Variants in CNTNAP2 observed in about 807,000 individuals in gnomAD.
CNTNAP2 encodes contactin associated protein 2, also known as contactin-associated protein-like 2.
CNTNAP2 carries 98 observed loss-of-function variants against 155.2 expected under a neutral mutation model. That is an observed-to-expected ratio of 0.63 (90% CI 0.54 to 0.75). The LOEUF (loss-of-function observed/expected upper bound fraction) is 0.75, where lower values mean the gene tolerates loss of function less well. Ranked by LOEUF, CNTNAP2 falls within the 30% of genes least tolerant of loss-of-function variation. CNTNAP2 has a pLI of 0.00. For missense variants in CNTNAP2, 1,727 were observed against 1,688.1 expected, an observed-to-expected ratio of 1.02 and a Z score of -0.40; for synonymous variants, 651 against 631.2, an observed-to-expected ratio of 1.03 and a Z score of -0.47.
chr7:146,839,656 G>A, intron 2 of CNTNAP2, 55 bp from the exon 3 acceptor site: 1 of 1,578,224 alleles, frequency 6.3e-7, no homozygotes, highest in Non-Finnish European at 8.7e-7. Flanking sequence ...ATTGTCAGTT[G>A]TACAAGTTCA....
chr7:146,139,812 T>C (rs919066783), intron 1 of CNTNAP2, among the ~76,000 whole-genome samples: 1 of 152,190 alleles, frequency 6.6e-6, no homozygotes, highest in African/African-American at 2.4e-5. Flanking sequence ...GTTTTCTCAT[T>C]TGTAAAATAA....
chr7:147,756,989 G>T (rs1376479387), intron 13 of CNTNAP2, among the ~76,000 whole-genome samples: 1 of 152,162 alleles, frequency 6.6e-6, no homozygotes, highest in Non-Finnish European at 1.5e-5. Flanking sequence ...GATAGTTGTA[G>T]CATGAAAACA....
At chr7:146,913,595 T>A (rs1014703880) in intron 3 of CNTNAP2, among the ~76,000 whole-genome samples, 10 of 152,038 alleles carry the variant, frequency 6.6e-5, no homozygotes, top group Non-Finnish European at 1.3e-4. Context: ...TGTTATATCC[T>A]CACATGGCAC....
chr7:146,754,113 T>C (rs896052512), intron 1 of CNTNAP2, among the ~76,000 whole-genome samples: 1 of 152,016 alleles, frequency 6.6e-6, no homozygotes, highest in African/African-American at 2.4e-5. Context: ...TGAAGTTTAA[T>C]GCCTCATATC....
chr7:148,245,940 T>A (rs1046189437), intron 20 of CNTNAP2, among the ~76,000 whole-genome samples: 1 of 152,184 alleles, frequency 6.6e-6, no homozygotes, highest in African/African-American at 2.4e-5. Context: ...CCTCTCCACC[T>A]TCTACTTCTG....
Position 147,881,715 on chromosome 7 carries a change from A to G in CNTNAP2, c.2099-21850A>G, listed in dbSNP as rs182655185. The stretch of plus-strand genomic sequence containing the variant: ...GGCCAGCACCGTGGCTCACGCCTGT[A>G]ATCCCAGCACTTTGGGAGGCCGAGG... On this transcript the variant is annotated intron_variant, in intron 13 of 23. Transcript: ENST00000361727. Among the ~76,000 whole-genome samples, 561 of 152,362 alleles carry G rather than the reference A, an allele frequency of 3.7e-3. 26 individuals are homozygous for G. The highest frequency in any genetic ancestry group is 0.031 in the Admixed American group (476 of 15,302).
intron 8 of CNTNAP2, among the ~76,000 whole-genome samples, chr7:147,243,898 A>G (rs1803996901): frequency 6.6e-6 from 1 of 152,166 alleles, no homozygotes; most frequent in African/African-American, 2.4e-5. Flanking sequence ...CTAAAATTGT[A>G]ATTTATAATT....
At chr7:148,263,718 C>T (rs1343663333) in intron 20 of CNTNAP2, among the ~76,000 whole-genome samples, 1 of 140,912 alleles carries the variant, frequency 7.1e-6, no homozygotes, top group African/African-American at 2.7e-5. Flanking sequence ...GCCTGGGCGA[C>T]AGAGCGAGAC....
chr7:147,491,709 T>C (rs1178624306), intron 11 of CNTNAP2, among the ~76,000 whole-genome samples: 1 of 152,138 alleles, frequency 6.6e-6, no homozygotes, highest in Non-Finnish European at 1.5e-5. Flanking sequence ...TAAATTTTAT[T>C]CAATGCCCTC....
chr7:147,759,173 A>C (rs1289993390), intron 13 of CNTNAP2, among the ~76,000 whole-genome samples: 1 of 152,208 alleles, frequency 6.6e-6, no homozygotes, highest in Non-Finnish European at 1.5e-5. Context: ...CTATCTGATT[A>C]GATCCAGGTT....
At chr7:146,325,094 AT>A (rs1208174782) in intron 1 of CNTNAP2, among the ~76,000 whole-genome samples, 2 of 151,638 alleles carry the variant, frequency 1.3e-5, no homozygotes, top group Non-Finnish European at 2.9e-5. Context: ...ACTACTACCA[AT>A]TTTTTGTTTT....
intron 21 of CNTNAP2, among the ~76,000 whole-genome samples, chr7:148,375,416 A>T: frequency 6.7e-6 from 1 of 149,704 alleles, no homozygotes; most frequent in East Asian, 1.9e-4. Context: ...CTTGAGCGCA[A>T]TGCCGTGATC....
At chr7:147,517,579 G>A (rs1197153712) in intron 11 of CNTNAP2, among the ~76,000 whole-genome samples, 7 of 152,200 alleles carry the variant, frequency 4.6e-5, no homozygotes, top group Non-Finnish European at 1.5e-5. Flanking sequence ...CAAAATAAGT[G>A]TAAGTCAACT....
intron 15 of CNTNAP2, among the ~76,000 whole-genome samples, chr7:148,113,181 G>T (rs1053151461): frequency 1.3e-5 from 2 of 152,186 alleles, no homozygotes; most frequent in African/African-American, 2.4e-5. Context: ...TTGGTTCACA[G>T]TTCCCGCAGG....
At chr7:148,314,107 C>A (rs62470593) in intron 21 of CNTNAP2, among the ~76,000 whole-genome samples, 32,595 of 151,858 alleles carry the variant, frequency 0.21, 3,940 homozygotes, top group Middle Eastern at 0.3. Context: ...AGAATTGGAA[C>A]CTAGCTCGAC....
chr7:147,738,650 C>CTT lies in CNTNAP2; in HGVS notation c.2098+99354_2098+99355dup, dbSNP rs111611444. Among the ~76,000 whole-genome samples, 280 of 57,502 alleles carry CTT rather than the reference C, an allele frequency of 4.9e-3. 1 individual carries two copies. Among genetic ancestry groups the CTT allele is most frequent in the African/African-American group, 0.016 (252 of 15,442 alleles). The allele number at this position is 57,502 out of a possible 152,430, so 37.7% of individuals were successfully genotyped here. A position where few individuals can be genotyped will look rare whatever the true frequency, so the allele number is the denominator to read the frequency against. On this transcript the variant is annotated intron_variant, in intron 13 of 23. Transcript: ENST00000361727. ...TAGACACAGTATAATGTAAACATAA[C>CTT]TTTTTTTTTTTATTTTTTTTTTTAG...
chr7:146,912,996 G>T (rs1414026714), intron 3 of CNTNAP2, among the ~76,000 whole-genome samples: 2 of 152,058 alleles, frequency 1.3e-5, no homozygotes, highest in African/African-American at 4.8e-5. Flanking sequence ...TGTAGATGAT[G>T]TCTTCAGGAA....
chr7:147,109,205 G>A (rs1379937569), intron 5 of CNTNAP2, among the ~76,000 whole-genome samples: 2 of 152,158 alleles, frequency 1.3e-5, no homozygotes, highest in Non-Finnish European at 2.9e-5. Flanking sequence ...GTGAGAGATA[G>A]TACTGCTTGT....
intron 1 of CNTNAP2, among the ~76,000 whole-genome samples, chr7:146,390,462 A>C (rs2129106482): frequency 6.6e-6 from 1 of 152,032 alleles, no homozygotes; most frequent in African/African-American, 2.4e-5. Context: ...AAATCAGACA[A>C]GTTCAGATTG....
Sources: allele counts gnomAD v4.1 joint callset (sites outside exome capture counted in the v4.1 genomes callset), GRCh38; gene constraint gnomAD v4.1.1; transcripts MANE v1.5; gene names NCBI Gene and HGNC (gene_info 2026-07-23, HGNC 2026-07-21).